The following MYT1L variants were observed in gnomAD, a reference collection of about 807,000 sequenced individuals.
MYT1L encodes myelin transcription factor 1 like.
In MYT1L, 12 loss-of-function variants were observed where a neutral mutation model predicts 126.7. That is an observed-to-expected ratio of 0.09 (90% confidence interval 0.06 to 0.15). MYT1L has a LOEUF of 0.15. MYT1L is among the 10% of genes least tolerant of loss of function. The pLI, the probability that MYT1L is intolerant of heterozygous loss-of-function variation, is 1.00. For missense variants in MYT1L, 979 were observed against 1,585.2 expected, an observed-to-expected ratio of 0.62 and a Z score of 6.49; for synonymous variants, 541 against 604.2, an observed-to-expected ratio of 0.90 and a Z score of 1.53.
chr2:2,113,878 T>C (rs1223556322), intron 3 of MYT1L, among the ~76,000 whole-genome samples: 4 of 151,878 alleles, frequency 2.6e-5, no homozygotes, highest in African/African-American at 9.7e-5. Flanking sequence ...AAAATAGTTA[T>C]GAAAACATTA....
chr2:2,257,495 C>T (rs568836025), intron 2 of MYT1L, among the ~76,000 whole-genome samples: 2 of 152,102 alleles, frequency 1.3e-5, no homozygotes, highest in Non-Finnish European at 2.9e-5. Context: ...ATTCAAGGAA[C>T]AGAAAACCTT....
chr2:2,301,988 A>G (rs2095793777), intron 1 of MYT1L, among the ~76,000 whole-genome samples: 1 of 152,222 alleles, frequency 6.6e-6, no homozygotes, highest in Non-Finnish European at 1.5e-5. Flanking sequence ...ACAACTATAA[A>G]GAAAGCATGA....
At chr2:1,872,942 C>T (rs1007459914) in intron 18 of MYT1L, among the ~76,000 whole-genome samples, 2 of 151,482 alleles carry the variant, frequency 1.3e-5, no homozygotes, top group East Asian at 3.9e-4. Flanking sequence ...GGTTAAGCAA[C>T]TTGCTGAGGA....
At chr2:2,299,859 C>T (rs2095756566) in intron 1 of MYT1L, among the ~76,000 whole-genome samples, 1 of 152,112 alleles carries the variant, frequency 6.6e-6, no homozygotes, top group Admixed American at 6.6e-5. Flanking sequence ...CTTGTCAATC[C>T]CCAAATCTTA....
At chr2:2,200,348 G>A (rs1443740538) in intron 2 of MYT1L, among the ~76,000 whole-genome samples, 1 of 152,128 alleles carries the variant, frequency 6.6e-6, no homozygotes, top group Admixed American at 6.5e-5. Flanking sequence ...AGGTGTCAGC[G>A]AACTGCCTTC....
intron 18 of MYT1L, among the ~76,000 whole-genome samples, chr2:1,863,666 G>C (rs1048167867): frequency 1.5e-5 from 2 of 137,632 alleles, no homozygotes; most frequent in East Asian, 2.0e-4. Context: ...GGATAGAAAC[G>C]GTATGTGCCG....
chr2:1,869,700 G>C (rs1018695838), intron 18 of MYT1L, among the ~76,000 whole-genome samples: 6 of 152,128 alleles, frequency 3.9e-5, no homozygotes, highest in African/African-American at 1.4e-4. Context: ...GCACTTACAG[G>C]CTAACTCATC....
At chr2:2,301,032 G>A (rs1432983402) in intron 1 of MYT1L, among the ~76,000 whole-genome samples, 1 of 152,070 alleles carries the variant, frequency 6.6e-6, no homozygotes, top group Non-Finnish European at 1.5e-5. Flanking sequence ...TGAATCCAGC[G>A]AGTGTTCTGT....
intron 21 of MYT1L, among the ~76,000 whole-genome samples, chr2:1,819,456 C>T (rs72765564): frequency 0.029 from 4,385 of 152,288 alleles, 92 homozygotes; most frequent in Middle Eastern, 0.078. Context: ...AGAATCGAGA[C>T]GCAGAACAGC....
intron 3 of MYT1L, among the ~76,000 whole-genome samples, chr2:2,072,285 C>T (rs1016809076): frequency 6.6e-6 from 1 of 152,152 alleles, no homozygotes; most frequent in Non-Finnish European, 1.5e-5. Flanking sequence ...TGGGATTTTG[C>T]CTACCACCTA....
intron 14 of MYT1L, among the ~76,000 whole-genome samples, chr2:1,892,601 A>C (rs964141796): frequency 2.6e-5 from 4 of 151,396 alleles, no homozygotes; most frequent in African/African-American, 9.7e-5. Flanking sequence ...GGTCCCTCGA[A>C]AGACAGACAC....
In MYT1L at chr2:1,789,919, T is replaced by C. The variant is rs2031745178; in HGVS notation, c.*1948A>G. The stretch of plus-strand genomic sequence containing the variant: ...AGTCCTTGTGGAAAACTGTAAGCTT[T>C]TGTACAGTGAACAGTATAAAGTGCC... On this transcript the variant is annotated 3_prime_UTR_variant, in exon 25 of 25. Transcript: ENST00000647738. 6.6e-6 allele frequency: 1 copy of C among 152,354 alleles called. No homozygotes were observed. The highest frequency in any genetic ancestry group is 2.1e-4 in the South Asian group (1 of 4,830). The allele number at this position is 152,354 out of a possible 1,614,324, so 9.4% of individuals were successfully genotyped here.
intron 4 of MYT1L, among the ~76,000 whole-genome samples, chr2:2,019,574 G>T (rs1250940603): frequency 6.6e-6 from 1 of 152,156 alleles, no homozygotes; most frequent in South Asian, 2.1e-4. Flanking sequence ...AGTGTGGGGG[G>T]TTCAGACTTC....
intron 3 of MYT1L, among the ~76,000 whole-genome samples, chr2:2,116,605 A>G (rs368675996): frequency 4.1e-4 from 63 of 152,348 alleles, no homozygotes; most frequent in African/African-American, 1.4e-3. Flanking sequence ...TGCCCGTCCT[A>G]TGACTCTCTT....
chr2:2,288,504 C>A (rs1369612929), intron 1 of MYT1L, among the ~76,000 whole-genome samples: 4 of 151,910 alleles, frequency 2.6e-5, no homozygotes, highest in Non-Finnish European at 5.9e-5. Flanking sequence ...GGAAATGTGC[C>A]GTAAAGGTAA....
chr2:2,143,797 T>A (rs903436878), intron 3 of MYT1L, among the ~76,000 whole-genome samples: 1 of 152,060 alleles, frequency 6.6e-6, no homozygotes, highest in African/African-American at 2.4e-5. Context: ...AAGAACGAAA[T>A]CGTGTCCTTT....
chr2:1,850,568 C>T (rs945395084), intron 19 of MYT1L, among the ~76,000 whole-genome samples: 1 of 152,156 alleles, frequency 6.6e-6, no homozygotes, highest in African/African-American at 2.4e-5. Flanking sequence ...AGGTTTTCTT[C>T]TTGACCAAAA....
chr2:2,272,145 C>G (rs544658667), intron 2 of MYT1L, among the ~76,000 whole-genome samples: 31 of 152,280 alleles, frequency 2.0e-4, no homozygotes, highest in Admixed American at 1.3e-3. Flanking sequence ...CCCTCCTGCC[C>G]TGCCTGAAGC....
At chr2:2,267,750 T>C (rs1394877267) in intron 2 of MYT1L, among the ~76,000 whole-genome samples, 1 of 152,016 alleles carries the variant, frequency 6.6e-6, no homozygotes, top group Non-Finnish European at 1.5e-5. Context: ...AGGAGAAATA[T>C]CCTGCAAGGA....
Sources: gnomAD v4.1 joint callset for allele counts (sites outside exome capture counted in the v4.1 genomes callset) on GRCh38, gnomAD v4.1.1 for gene constraint, MANE v1.5 for transcripts, NCBI Gene and HGNC (gene_info 2026-07-23, HGNC 2026-07-21) for gene names.